Variants in LARP4B observed in about 807,000 individuals in gnomAD.
LARP4B encodes the protein La ribonucleoprotein 4B, also known as la-related protein 4B.
A neutral mutation model predicts 89.8 loss-of-function variants in LARP4B; 12 were observed. The observed-to-expected ratio is 0.13, with a 90% confidence interval of 0.09 to 0.22. The LOEUF is 0.22. Among genes scored for constraint, LARP4B ranks in the 10% least tolerant of loss-of-function variants. LARP4B has a pLI of 1.00. For synonymous variants in LARP4B, 367 were observed against 363.3 expected (o/e 1.01, Z -0.12); for missense variants, 757 against 947.7 (o/e 0.80, Z 2.64).
At chr10:845,398 C>G (rs1230074429) in intron 5 of LARP4B, among the ~76,000 whole-genome samples, 1 of 152,032 alleles carries the variant, frequency 6.6e-6, no homozygotes, top group African/African-American at 2.4e-5. Context: ...AAACACAAAC[C>G]CTAAACAATA....
At chr10:980,554 A>G in the LARP4B span, among the ~76,000 whole-genome samples, 1 of 152,204 alleles carries the variant, frequency 6.6e-6, no homozygotes, top group Non-Finnish European at 1.5e-5. Flanking sequence ...AACACCATGC[A>G]GGAGCTGCCA....
In LARP4B at chr10:811,323, C is replaced by G. The variant is rs2131583664; in HGVS notation, c.*1603G>C. 6.6e-6 allele frequency: 1 copy of G among 152,662 alleles called. No individual in the cohort carries two copies. The highest frequency in any genetic ancestry group is 2.4e-5 in the African/African-American group (1 of 41,524). The allele number at this position is 152,662 out of a possible 1,614,324, so 9.5% of individuals were successfully genotyped here. A position where few individuals can be genotyped will look rare whatever the true frequency, so the allele number is the denominator to read the frequency against. ...CTGTAGGGTACCTTTTTCATATGTTCTGATTATTTACAACTGTACAAGCGA... is the reference window on the plus strand; with the variant it reads ...CTGTAGGGTACCTTTTTCATATGTTGTGATTATTTACAACTGTACAAGCGA... On this transcript the variant is annotated 3_prime_UTR_variant, in exon 18 of 18. Coordinates refer to ENST00000316157, the MANE Select transcript of LARP4B (RefSeq NM_015155.3).
chr10:925,101 T>G (rs1196311778), intron 1 of LARP4B, among the ~76,000 whole-genome samples: 1 of 152,216 alleles, frequency 6.6e-6, no homozygotes, highest in African/African-American at 2.4e-5. Flanking sequence ...CAGGGCAGGA[T>G]ACACCATAAT....
rs1832320061 is a variant in LARP4B at position 820,903 on chromosome 10, T to C, written c.1485-58A>G. The C allele has an allele frequency of 7.5e-6, 11 of 1,468,128 alleles. No individual in the cohort carries two copies. In the Admixed American group the frequency reaches 1.9e-4, roughly 25 times the overall value. 90.9% of individuals were successfully genotyped at this position (1,468,128 alleles called of 1,614,324 possible). A position where few individuals can be genotyped will look rare whatever the true frequency, so the allele number is the denominator to read the frequency against. On this transcript the variant is annotated intron_variant, in intron 13 of 17. Coordinates refer to ENST00000316157, the MANE Select transcript of LARP4B (RefSeq NM_015155.3). ...TTTTCCCACTTGGAGAATTTATTATTGAGCACGTTTGCACTCACATAATCA... is the reference window on the plus strand; with the variant it reads ...TTTTCCCACTTGGAGAATTTATTATCGAGCACGTTTGCACTCACATAATCA...
At chr10:897,843 G>C (rs1236080361) in intron 1 of LARP4B, among the ~76,000 whole-genome samples, 1 of 151,702 alleles carries the variant, frequency 6.6e-6, no homozygotes, top group African/African-American at 2.4e-5. Flanking sequence ...CAAAAGTTAG[G>C]CAGGCATGGT....
At chr10:864,351 C>T in intron 3 of LARP4B, 81 bp from the exon 4 acceptor site, 1 of 1,404,748 alleles carries the variant, frequency 7.1e-7, no homozygotes, top group East Asian at 2.3e-5. Flanking sequence ...AGTTAAGAGA[C>T]ATCAGATATA....
chr10:921,206 G>C (rs773723412), intron 1 of LARP4B, among the ~76,000 whole-genome samples: 11 of 151,906 alleles, frequency 7.2e-5, no homozygotes, highest in Non-Finnish European at 1.5e-4. Context: ...CCAGGAGGTG[G>C]AGGTTGCAGT....
At chr10:841,481 G>A (rs555201876) in intron 7 of LARP4B, among the ~76,000 whole-genome samples, 20 of 152,350 alleles carry the variant, frequency 1.3e-4, no homozygotes, top group African/African-American at 4.1e-4. Context: ...GCTCTGTTAA[G>A]CAAGCACACA....
In LARP4B at chr10:817,829, G is replaced by A. The variant is rs539502085; in HGVS notation, c.1591C>T (p.Leu531=). Residue 531 remains leucine (L), a synonymous_variant, in exon 15 of 18, where the codon CTG becomes TTG. Transcript: ENST00000316157. ...KPPSPSFELG[L]SSFPPLPGAA... ...CCAGGTAATGGAGGGAAGCTGGACA[G>A]CCCCAGCTCGAAGCTTGGCGACGGA... 1.6e-4 allele frequency: 265 copies of A among 1,614,170 alleles called. 4 individuals are homozygous for A. In the South Asian group the frequency reaches 2.7e-3, roughly 17 times the overall value.
Position 885,629 on chromosome 10 carries a change from G to A in LARP4B, c.81+12C>T, listed in dbSNP as rs761401746. ...CAATGGACTCCCCACCACCCCATTCGACAGCACCCACCAGATGAGCGCTGT... is the reference window on the plus strand; with the variant it reads ...CAATGGACTCCCCACCACCCCATTCAACAGCACCCACCAGATGAGCGCTGT... On this transcript the variant is annotated intron_variant, in intron 2 of 17. Transcript: ENST00000316157. 12 of 1,609,712 alleles carry A rather than the reference G, an allele frequency of 7.5e-6. No homozygotes were observed. The South Asian group carries it at 1.2e-4, about 16-fold the overall frequency.
At chr10:905,969 A>C (rs566731393) in intron 1 of LARP4B, among the ~76,000 whole-genome samples, 2 of 152,358 alleles carry the variant, frequency 1.3e-5, no homozygotes, top group Admixed American at 1.3e-4. Context: ...TTCTGCACTA[A>C]GTAGGGCAAA....
chr10:973,774 T>C, the LARP4B span, among the ~76,000 whole-genome samples: 1 of 152,202 alleles, frequency 6.6e-6, no homozygotes, highest in African/African-American at 2.4e-5. Context: ...AGAGGTTACA[T>C]GCACTAGATC....
At chr10:926,684 G>C (rs955913409) in intron 1 of LARP4B, among the ~76,000 whole-genome samples, 1 of 152,224 alleles carries the variant, frequency 6.6e-6, no homozygotes, top group Middle Eastern at 3.2e-3. Flanking sequence ...CAAAGATCAA[G>C]TCTCATCTCT....
intron 1 of LARP4B, among the ~76,000 whole-genome samples, chr10:927,626 A>T (rs539998874): frequency 9.3e-4 from 142 of 152,360 alleles, no homozygotes; most frequent in Admixed American, 1.8e-3. Context: ...GTACTCTAAA[A>T]TAAGCTTTTA....
chr10:847,005 A>G (rs958325705), intron 5 of LARP4B, among the ~76,000 whole-genome samples: 2 of 152,210 alleles, frequency 1.3e-5, no homozygotes, highest in Non-Finnish European at 1.5e-5. Context: ...TAACTACTAG[A>G]TCTGGCTGCA....
chr10:899,793 TA>T (rs952528279), intron 1 of LARP4B, among the ~76,000 whole-genome samples: 2 of 152,140 alleles, frequency 1.3e-5, no homozygotes, highest in African/African-American at 4.8e-5. Context: ...CAAAAATCAG[TA>T]AATGAATATT....
intron 3 of LARP4B, among the ~76,000 whole-genome samples, chr10:864,618 A>G (rs1834798698): frequency 6.6e-6 from 1 of 152,170 alleles, no homozygotes. Context: ...GGGTTTTACA[A>G]ACTTGAATAC....
At chr10:985,214 A>T in the LARP4B span, 2 of 152,236 alleles carry the variant, frequency 1.3e-5, no homozygotes, top group African/African-American at 4.8e-5. Flanking sequence ...GGCTCCCTGC[A>T]TTGCAGTTGT....
chr10:890,834 G>A (rs1298372043), intron 1 of LARP4B, among the ~76,000 whole-genome samples: 2 of 152,044 alleles, frequency 1.3e-5, no homozygotes, highest in Non-Finnish European at 2.9e-5. Context: ...GGTTTTCTAC[G>A]AGAGAACAGA....
Sources: gnomAD v4.1 joint callset for allele counts (sites outside exome capture counted in the v4.1 genomes callset) on GRCh38, gnomAD v4.1.1 for gene constraint, MANE v1.5 for transcripts, NCBI Gene and HGNC (gene_info 2026-07-23, HGNC 2026-07-21) for gene names.